Variants in PPARGC1A observed in about 807,000 individuals in gnomAD.
The protein encoded by PPARGC1A is peroxisome proliferator-activated receptor gamma coactivator 1-alpha.
Under a neutral mutation model 88.7 loss-of-function variants are expected in PPARGC1A, and 25 were observed. The ratio of observed to expected loss-of-function variants is 0.28; its 90% CI spans 0.21 to 0.39. PPARGC1A has a LOEUF of 0.39. Among genes scored for constraint, PPARGC1A ranks in the 10% least tolerant of loss-of-function variants. The probability of loss-of-function intolerance (pLI) is 1.00; values close to 1 mark genes in which losing one functional copy is unlikely to be tolerated. For missense variants in PPARGC1A, 880 were observed against 968.7 expected, an observed-to-expected ratio of 0.91 and a Z score of 1.22; for synonymous variants, 363 against 355.6, an observed-to-expected ratio of 1.02 and a Z score of -0.24.
chr4:24,466,282 A>C, the PPARGC1A span, among the ~76,000 whole-genome samples: 1 of 152,234 alleles, frequency 6.6e-6, no homozygotes, highest in Non-Finnish European at 1.5e-5. Context: ...CAAACAAAGG[A>C]GATATTCACT....
the PPARGC1A span, among the ~76,000 whole-genome samples, chr4:24,284,550 C>A: frequency 6.6e-6 from 1 of 152,158 alleles, no homozygotes; most frequent in African/African-American, 2.4e-5. Flanking sequence ...AGTGTCAAGT[C>A]AGGAATATAG....
At chr4:24,304,642 A>G in the PPARGC1A span, among the ~76,000 whole-genome samples, 1 of 152,200 alleles carries the variant, frequency 6.6e-6, no homozygotes, top group Non-Finnish European at 1.5e-5. Context: ...GTGCTCAGCA[A>G]CAGTTTCAGT....
At chr4:24,031,638 C>A in the PPARGC1A span, among the ~76,000 whole-genome samples, 1 of 152,164 alleles carries the variant, frequency 6.6e-6, no homozygotes, top group Non-Finnish European at 1.5e-5. Context: ...CTGTCCTACA[C>A]ATTGTTCGAT....
chr4:23,976,371 T>A, the PPARGC1A span, among the ~76,000 whole-genome samples: 1 of 151,618 alleles, frequency 6.6e-6, no homozygotes, highest in African/African-American at 2.4e-5. Context: ...AGGGTGAGGG[T>A]GGGGATGGGG....
Position 23,792,330 on chromosome 4 carries a change from C to T in PPARGC1A, c.*3492G>A, listed in dbSNP as rs1424760845. ...AGAATCATCACATTATAGTACATGGCTATTCTAGGTCATCTATAGATCAGG... is the reference window on the plus strand; with the variant it reads ...AGAATCATCACATTATAGTACATGGTTATTCTAGGTCATCTATAGATCAGG... On this transcript the variant is annotated 3_prime_UTR_variant, in exon 13 of 13. Coordinates refer to ENST00000264867, the MANE Select transcript of PPARGC1A (RefSeq NM_013261.5). 1 of 152,540 alleles carries T rather than the reference C, an allele frequency of 6.6e-6. No individual in the cohort carries two copies. The highest frequency in any genetic ancestry group is 1.5e-5 in the Non-Finnish European group (1 of 68,020). 9.4% of individuals were successfully genotyped at this position (152,540 alleles called of 1,614,324 possible).
At chr4:24,284,333 A>C in the PPARGC1A span, among the ~76,000 whole-genome samples, 2 of 152,062 alleles carry the variant, frequency 1.3e-5, no homozygotes, top group African/African-American at 2.4e-5. Context: ...AACAAACAAA[A>C]AACAAAAAAT....
chr4:24,325,338 G>A, the PPARGC1A span, among the ~76,000 whole-genome samples: 2 of 152,146 alleles, frequency 1.3e-5, no homozygotes, highest in East Asian at 1.9e-4. Context: ...TCGCCTTCAA[G>A]GTGTACAATA....
chr4:23,847,315 T>C (rs944464016), intron 2 of PPARGC1A, among the ~76,000 whole-genome samples: 2 of 152,116 alleles, frequency 1.3e-5, no homozygotes, highest in Non-Finnish European at 2.9e-5. Flanking sequence ...GAACATGATG[T>C]TTTATCTTTG....
the PPARGC1A span, among the ~76,000 whole-genome samples, chr4:23,984,030 A>G: frequency 2.6e-5 from 4 of 152,158 alleles, no homozygotes; most frequent in Non-Finnish European, 5.9e-5. Flanking sequence ...TTTATAAATT[A>G]TATATACAAT....
the PPARGC1A span, among the ~76,000 whole-genome samples, chr4:24,288,212 C>T: frequency 6.6e-6 from 1 of 152,186 alleles, no homozygotes; most frequent in African/African-American, 2.4e-5. Flanking sequence ...TTTTCAGATC[C>T]TTCAGCAGCT....
At chr4:23,813,586 A>G in intron 8 of PPARGC1A, 104 bp downstream of exon 8, 1 of 1,054,456 alleles carries the variant, frequency 9.5e-7, no homozygotes, top group Non-Finnish European at 1.3e-6. Flanking sequence ...TGCAGTGGTC[A>G]GGGGCCAGAA....
At chr4:23,863,936 A>G (rs1047424020) in intron 2 of PPARGC1A, among the ~76,000 whole-genome samples, 8 of 152,118 alleles carry the variant, frequency 5.3e-5, no homozygotes, top group Non-Finnish European at 1.2e-4. Context: ...TAGTGCAGAC[A>G]GGGTTTCTCT....
the PPARGC1A span, among the ~76,000 whole-genome samples, chr4:24,261,727 C>T: frequency 5.1e-3 from 757 of 148,820 alleles, 8 homozygotes; most frequent in African/African-American, 0.018. Context: ...TGCTTTCTTC[C>T]GTTCCTTTCT....
At position 23,860,055 on chromosome 4, in the gene PPARGC1A, TGAGGCC is replaced by T. The variant is rs1177678920; in HGVS notation, c.234+24691_234+24696del. ...GGGAACTCTACATGGGAGGATTGATTGAGGCCAGGAGTTCAACAGCAGCCTGGCCAA... is the reference window on the plus strand; with the variant it reads ...GGGAACTCTACATGGGAGGATTGATTAGGAGTTCAACAGCAGCCTGGCCAA... On this transcript the variant is annotated intron_variant, in intron 2 of 12. Transcript: ENST00000264867. 2.0e-5 allele frequency among the ~76,000 whole-genome samples: 3 copies of T among 151,992 alleles called. No homozygotes were observed. In the East Asian group the frequency reaches 5.8e-4, roughly 29 times the overall value.
At chr4:24,461,345 G>A in the PPARGC1A span, among the ~76,000 whole-genome samples, 1 of 152,186 alleles carries the variant, frequency 6.6e-6, no homozygotes. Context: ...TCAAAACAAT[G>A]AGCAGGAAAG....
At chr4:24,034,067 T>C in the PPARGC1A span, among the ~76,000 whole-genome samples, 2 of 152,176 alleles carry the variant, frequency 1.3e-5, no homozygotes, top group South Asian at 4.1e-4. Flanking sequence ...AATAAATAAT[T>C]ACGTAGGTAT....
the PPARGC1A span, among the ~76,000 whole-genome samples, chr4:24,432,907 T>C: frequency 6.6e-6 from 1 of 152,212 alleles, no homozygotes; most frequent in Non-Finnish European, 1.5e-5. Flanking sequence ...CACACCAGCC[T>C]CTACCAGGCA....
the PPARGC1A span, among the ~76,000 whole-genome samples, chr4:24,115,479 T>G: frequency 6.6e-6 from 1 of 152,144 alleles, no homozygotes; most frequent in Non-Finnish European, 1.5e-5. Context: ...TCTGTGCACG[T>G]GATATGCAAA....
At chr4:23,883,911 G>A (rs1408829616) in intron 2 of PPARGC1A, 1 of 152,152 alleles carries the variant, frequency 6.6e-6, no homozygotes, top group Non-Finnish European at 1.5e-5. Context: ...TAGGTGCTCA[G>A]AAAACATTAG....
Sources: allele counts gnomAD v4.1 joint callset (sites outside exome capture counted in the v4.1 genomes callset), GRCh38; gene constraint gnomAD v4.1.1; transcripts MANE v1.5; gene names NCBI Gene and HGNC (gene_info 2026-07-23, HGNC 2026-07-21).